The following TMEM233 variants were observed in gnomAD, a reference collection of about 807,000 sequenced individuals.
TMEM233 encodes the protein transmembrane protein 233, also known as dispanin subfamily B member 2.
Under a neutral mutation model 11.2 loss-of-function variants are expected in TMEM233, and 6 were observed. That is an observed-to-expected ratio of 0.54 (90% CI 0.29 to 1.06). The LOEUF is 1.06. Among genes scored for constraint, TMEM233 ranks in the 50% least tolerant of loss-of-function variants. TMEM233 has a pLI of 0.08. For missense variants in TMEM233, 127 were observed against 144.7 expected (o/e 0.88, Z 0.63); for synonymous variants, 59 against 55.8 (o/e 1.06, Z -0.26).
At chr12:119,636,697 CAGAA>C (rs1301346718) in intron 2 of TMEM233, among the ~76,000 whole-genome samples, 1 of 152,138 alleles carries the variant, frequency 6.6e-6, no homozygotes, top group African/African-American at 2.4e-5. Context: ...TCCTTAGCAG[CAGAA>C]AGAGTTGACC....
At chr12:119,613,360 G>A (rs1255407043) in intron 1 of TMEM233, among the ~76,000 whole-genome samples, 1 of 152,202 alleles carries the variant, frequency 6.6e-6, no homozygotes, top group Admixed American at 6.5e-5. Flanking sequence ...TTGAGATATG[G>A]TCTGTGCCTT....
rs898008300 is a variant in TMEM233, at chr12:119,595,093, C to T, written c.186+1059C>T. Among the ~76,000 whole-genome samples, 1 of 152,244 alleles carries T rather than the reference C, an allele frequency of 6.6e-6. No homozygotes were observed. The highest frequency in any genetic ancestry group is 1.5e-5 in the Non-Finnish European group (1 of 68,038). ...CCTTCCGGAGCTCAGCTCCCTAGCC[C>T]TCTTCAACCCTGGTAGGAACACCCG... is the stretch of plus-strand genomic sequence containing the variant. On this transcript the variant is annotated intron_variant, in intron 1 of 2. Coordinates refer to ENST00000426426, the MANE Select transcript of TMEM233 (RefSeq NM_001136534.3). The surrounding 1 kb of genome is among the most constrained non-coding windows in gnomAD (Gnocchi z 4.3).
intron 1 of TMEM233, among the ~76,000 whole-genome samples, chr12:119,597,109 AC>A (rs1194667888): frequency 1.3e-5 from 2 of 152,242 alleles, no homozygotes; most frequent in African/African-American, 4.8e-5. Context: ...ACTCCAAAGG[AC>A]AAAGGACAAA....
intron 1 of TMEM233, among the ~76,000 whole-genome samples, chr12:119,621,356 A>T (rs1372045003): frequency 1.3e-5 from 2 of 151,872 alleles, no homozygotes; most frequent in African/African-American, 4.8e-5. Flanking sequence ...AATTTTTAAA[A>T]TTTTTTGTAG....
At chr12:119,632,038 G>A (rs1039435439) in intron 2 of TMEM233, among the ~76,000 whole-genome samples, 17 of 152,166 alleles carry the variant, frequency 1.1e-4, no homozygotes, top group African/African-American at 4.1e-4. Flanking sequence ...TGTTCTAAGG[G>A]AATGAGACCA....
intron 2 of TMEM233, among the ~76,000 whole-genome samples, chr12:119,630,343 C>G (rs755112499): frequency 1.3e-5 from 2 of 152,210 alleles, no homozygotes; most frequent in Non-Finnish European, 2.9e-5. Context: ...CACAGTCATG[C>G]AGGGTCCCAC....
intron 1 of TMEM233, 27 bp from the exon 2 acceptor site, chr12:119,629,709 C>T (rs1593305855): frequency 1.9e-6 from 3 of 1,541,632 alleles, no homozygotes; most frequent in Non-Finnish European, 2.6e-6. Flanking sequence ...TATCTGTCAT[C>T]ACCAGCTCTT....
At chr12:119,599,398 C>A (rs935976580) in intron 1 of TMEM233, among the ~76,000 whole-genome samples, 1 of 151,802 alleles carries the variant, frequency 6.6e-6, no homozygotes, top group Non-Finnish European at 1.5e-5. Context: ...CTCATGTACC[C>A]CGTAAATGTA....
intron 1 of TMEM233, among the ~76,000 whole-genome samples, chr12:119,608,848 C>T (rs1332864291): frequency 1.3e-5 from 2 of 152,164 alleles, no homozygotes; most frequent in African/African-American, 4.8e-5. Flanking sequence ...TGTTTGAATA[C>T]CTGCTATATG....
chr12:119,621,335 G>A (rs1021881672), intron 1 of TMEM233, among the ~76,000 whole-genome samples: 1 of 152,046 alleles, frequency 6.6e-6, no homozygotes, highest in African/African-American at 2.4e-5. Context: ...CACTGCACCT[G>A]GCATCCAGCT....
chr12:119,650,833 G>A, the TMEM233 span, among the ~76,000 whole-genome samples: 3 of 152,098 alleles, frequency 2.0e-5, no homozygotes, highest in Non-Finnish European at 4.4e-5. Context: ...AGTAGCCATC[G>A]GGTTTTGCCA....
At chr12:119,626,494 A>AAGGAGGAGGAGGAGG (rs200849432) in intron 1 of TMEM233, among the ~76,000 whole-genome samples, 1 of 133,400 alleles carries the variant, frequency 7.5e-6, no homozygotes, top group African/African-American at 3.1e-5. Flanking sequence ...AAAGAAGAAA[A>AAGGAGGAGGAGGAGG]AGGAGGAGGA....
intron 1 of TMEM233, among the ~76,000 whole-genome samples, chr12:119,606,446 A>T (rs1206681979): frequency 6.6e-6 from 1 of 152,202 alleles, no homozygotes; most frequent in Admixed American, 6.5e-5. Context: ...AGAATAAAAA[A>T]CATGTTCTAA....
intron 1 of TMEM233, among the ~76,000 whole-genome samples, chr12:119,626,469 C>CT (rs1954759241): frequency 8.8e-5 from 5 of 56,932 alleles, no homozygotes; most frequent in African/African-American, 2.8e-4. Flanking sequence ...GACTCCGTCT[C>CT]CGGAAAAAAA....
At chr12:119,647,832 T>C (rs1274577860), downstream of TMEM233, among the ~76,000 whole-genome samples, 1 of 143,986 alleles carries the variant, frequency 6.9e-6, no homozygotes, top group Non-Finnish European at 1.5e-5. Context: ...TGTCCATGTG[T>C]TCTCATTGTT....
chr12:119,618,042 A>G (rs910987131), intron 1 of TMEM233, among the ~76,000 whole-genome samples: 2 of 152,222 alleles, frequency 1.3e-5, no homozygotes, highest in Non-Finnish European at 2.9e-5. Context: ...TGCTGTGTGC[A>G]GCCTCTGGAC....
intron 2 of TMEM233, among the ~76,000 whole-genome samples, chr12:119,638,214 C>T (rs1955004071): frequency 6.6e-6 from 1 of 152,184 alleles, no homozygotes; most frequent in Non-Finnish European, 1.5e-5. Context: ...AATCCCAGCA[C>T]TTTGGGAGGC....
intron 2 of TMEM233, 104 bp from the exon 3 acceptor site, chr12:119,640,595 C>A: frequency 7.7e-7 from 1 of 1,303,912 alleles, no homozygotes; most frequent in Non-Finnish European, 1.1e-6. Flanking sequence ...ATGTGTTTAA[C>A]CAGAGTCATC....
At chr12:119,610,921 A>G (rs895175545) in intron 1 of TMEM233, among the ~76,000 whole-genome samples, 8 of 152,140 alleles carry the variant, frequency 5.3e-5, no homozygotes, top group Non-Finnish European at 1.2e-4. Context: ...TATAAATGAA[A>G]TCATACAATA....
Sources: gnomAD v4.1 joint callset for allele counts (sites outside exome capture counted in the v4.1 genomes callset) on GRCh38, gnomAD v4.1.1 for gene constraint, Gnocchi (gnomAD v3.1) non-coding constraint, MANE v1.5 for transcripts, NCBI Gene and HGNC (gene_info 2026-07-23, HGNC 2026-07-21) for gene names.